The following MFHAS1 variants were observed in gnomAD, a reference collection of about 807,000 sequenced individuals.
The protein encoded by MFHAS1 is multifunctional ROCO family signaling regulator 1.
A neutral mutation model predicts 70.4 loss-of-function variants in MFHAS1; 50 were observed. The observed-to-expected ratio is 0.71, with a 90% confidence interval of 0.57 to 0.90. MFHAS1 has a LOEUF of 0.90. Among genes scored for constraint, MFHAS1 ranks in the 40% least tolerant of loss-of-function variants. The pLI, the probability that MFHAS1 is intolerant of heterozygous loss-of-function variation, is 0.00. For synonymous variants in MFHAS1, 952 were observed against 620.0 expected, an observed-to-expected ratio of 1.54 and a Z score of -7.96; for missense variants, 1,795 against 1,347.6, an observed-to-expected ratio of 1.33 and a Z score of -5.20.
chr8:8,849,004 C>G (rs1225459743), intron 1 of MFHAS1, among the ~76,000 whole-genome samples: 1 of 150,602 alleles, frequency 6.6e-6, no homozygotes. Context: ...CTTCCTCCCA[C>G]TAGCAGGGTA....
intron 1 of MFHAS1, among the ~76,000 whole-genome samples, chr8:8,859,736 T>A (rs996479076): frequency 3.9e-5 from 6 of 152,356 alleles, no homozygotes; most frequent in African/African-American, 1.4e-4. Context: ...ATCTATAATG[T>A]ACAAAATATG....
At chr8:8,859,370 A>G (rs980640946) in intron 1 of MFHAS1, among the ~76,000 whole-genome samples, 7 of 152,152 alleles carry the variant, frequency 4.6e-5, no homozygotes, top group Admixed American at 1.3e-4. Context: ...AAAGTTCACC[A>G]TGTTTCCTAA....
chr8:8,831,935 C>A (rs376825243), intron 1 of MFHAS1, among the ~76,000 whole-genome samples: 1 of 151,964 alleles, frequency 6.6e-6, no homozygotes, highest in African/African-American at 2.4e-5. Context: ...TGACAAGAGC[C>A]CAGGCAATTT....
At chr8:8,868,956 G>C (rs1168087977) in intron 1 of MFHAS1, among the ~76,000 whole-genome samples, 1 of 152,174 alleles carries the variant, frequency 6.6e-6, no homozygotes, top group African/African-American at 2.4e-5. Context: ...TTTAGAGAAA[G>C]TCAGTGAGAA....
intron 1 of MFHAS1, among the ~76,000 whole-genome samples, chr8:8,837,702 G>C (rs1807650954): frequency 6.6e-6 from 1 of 150,894 alleles, no homozygotes; most frequent in Admixed American, 6.6e-5. Flanking sequence ...TTAGGAACAT[G>C]CAAATTTAAA....
chr8:8,797,532 C>T, intron 1 of MFHAS1, 41 bp from the exon 2 acceptor site: 1 of 1,589,554 alleles, frequency 6.3e-7, no homozygotes, highest in Non-Finnish European at 8.6e-7. Context: ...GAGATGTGCA[C>T]TAAAAATGGG....
intron 1 of MFHAS1, among the ~76,000 whole-genome samples, chr8:8,852,143 T>G (rs959023144): frequency 6.6e-6 from 1 of 151,790 alleles, no homozygotes; most frequent in East Asian, 1.9e-4. Flanking sequence ...GTTTCAGGAG[T>G]GCCAAGCAAG....
chr8:8,863,039 G>A (rs1406544987), intron 1 of MFHAS1, among the ~76,000 whole-genome samples: 1 of 152,200 alleles, frequency 6.6e-6, no homozygotes, highest in Non-Finnish European at 1.5e-5. Flanking sequence ...TACAAGGAAT[G>A]ACTCAAGGTT....
At chr8:8,847,041 C>T (rs1808062230) in intron 1 of MFHAS1, among the ~76,000 whole-genome samples, 1 of 152,158 alleles carries the variant, frequency 6.6e-6, no homozygotes, top group South Asian at 2.1e-4. Context: ...CATCCCTCCT[C>T]CAAACACACT....
chr8:8,798,844 C>G (rs1805991471), intron 1 of MFHAS1, among the ~76,000 whole-genome samples: 2 of 151,888 alleles, frequency 1.3e-5, no homozygotes, highest in Non-Finnish European at 2.9e-5. Flanking sequence ...GTCAGGAGTT[C>G]GAGACCAGCC....
At chr8:8,845,123 C>A (rs1807981169) in intron 1 of MFHAS1, among the ~76,000 whole-genome samples, 1 of 152,188 alleles carries the variant, frequency 6.6e-6, no homozygotes, top group Non-Finnish European at 1.5e-5. Flanking sequence ...TTTAAACTGA[C>A]CCTCTGTCAT....
At chr8:8,829,580 C>G (rs889263651) in intron 1 of MFHAS1, among the ~76,000 whole-genome samples, 11 of 152,190 alleles carry the variant, frequency 7.2e-5, no homozygotes, top group African/African-American at 2.4e-4. Context: ...ACTGAGGAGG[C>G]TGAGGCAGGA....
At chr8:8,875,144 G>C (rs1476948420) in intron 1 of MFHAS1, among the ~76,000 whole-genome samples, 1 of 152,184 alleles carries the variant, frequency 6.6e-6, no homozygotes, top group East Asian at 1.9e-4. Context: ...CATCCTCATG[G>C]GAAGCAACGT....
At chr8:8,860,924 T>A (rs1334172229) in intron 1 of MFHAS1, among the ~76,000 whole-genome samples, 1 of 152,204 alleles carries the variant, frequency 6.6e-6, no homozygotes, top group Non-Finnish European at 1.5e-5. Flanking sequence ...ACCACTTATT[T>A]CATCACTATG....
chr8:8,826,583 AT>A (rs1225925890), intron 1 of MFHAS1, among the ~76,000 whole-genome samples: 2 of 152,098 alleles, frequency 1.3e-5, no homozygotes, highest in African/African-American at 4.8e-5. Context: ...AAATACAAAA[AT>A]TAGCCGAGCG....
chr8:8,890,802 G>A lies in MFHAS1; in HGVS notation c.2257C>T (p.Leu753Phe). ...TTGCCCTCTCCACTGGTCCCTAGGA[G>A]CAGCTTATGCAGCAGCAAAGAGGGA... Reference protein sequence around the residue: ...RDPSLLLHKLLLGTSGEGKAE... With the variant: ...RDPSLLLHKLFLGTSGEGKAE... Residue 753 changes from leucine (L) to phenylalanine (F), a missense_variant, in exon 1 of 3, where the codon CTC becomes TTC. Physicochemically the swap from Leu to Phe is conservative, Grantham distance 22 (BLOSUM62 0). Coordinates refer to ENST00000276282, the MANE Select transcript of MFHAS1 (RefSeq NM_004225.3). 6.2e-7 allele frequency: 1 copy of A among 1,614,192 alleles called. No individual in the cohort carries two copies. The highest frequency in any genetic ancestry group is 8.5e-7 in the Non-Finnish European group (1 of 1,180,034).
intron 1 of MFHAS1, among the ~76,000 whole-genome samples, chr8:8,879,922 C>T (rs1183868117): frequency 6.6e-6 from 1 of 152,224 alleles, no homozygotes; most frequent in African/African-American, 2.4e-5. Context: ...TTCATTAGGT[C>T]TTGCCAGTCA....
At chr8:8,871,614 AAGGAGACTCTG>A in intron 1 of MFHAS1, among the ~76,000 whole-genome samples, 1 of 152,284 alleles carries the variant, frequency 6.6e-6, no homozygotes, top group South Asian at 2.1e-4. Context: ...CACAACATCT[AAGGAGACTCTG>A]ATAGCAGGTG....
chr8:8,843,981 T>C (rs1585047490), intron 1 of MFHAS1, among the ~76,000 whole-genome samples: 1 of 152,196 alleles, frequency 6.6e-6, no homozygotes, highest in Non-Finnish European at 1.5e-5. Context: ...ATTTAAGTAA[T>C]TAACAATCCA....
Sources: gnomAD v4.1 joint callset for allele counts (sites outside exome capture counted in the v4.1 genomes callset) on GRCh38, gnomAD v4.1.1 for gene constraint, MANE v1.5 for transcripts, NCBI Gene and HGNC (gene_info 2026-07-23, HGNC 2026-07-21) for gene names.